NBAS: variants seen among roughly 807,000 people sequenced by gnomAD.
NBAS encodes NAG/BC035112 fusion.
Under a neutral mutation model 302.5 loss-of-function variants are expected in NBAS, and 219 were observed. That is an observed-to-expected ratio of 0.72 (90% CI 0.65 to 0.81). The LOEUF is 0.81. Ranked by LOEUF, NBAS falls within the 30% of genes least tolerant of loss-of-function variation. The pLI is 0.00. For missense variants in NBAS, 2,932 were observed against 2,841.6 expected, an observed-to-expected ratio of 1.03 and a Z score of -0.72; for synonymous variants, 1,118 against 1,021.6, an observed-to-expected ratio of 1.09 and a Z score of -1.80.
intron 25 of NBAS, among the ~76,000 whole-genome samples, chr2:15,414,134 G>C (rs1399109499): frequency 6.6e-6 from 1 of 152,126 alleles, no homozygotes; most frequent in African/African-American, 2.4e-5. Flanking sequence ...ATTACTAAGA[G>C]CAAACTGCTT....
At chr2:14,829,796 A>T in the NBAS span, among the ~76,000 whole-genome samples, 1 of 152,250 alleles carries the variant, frequency 6.6e-6, no homozygotes, top group Non-Finnish European at 1.5e-5. Context: ...GTGAGTAAAC[A>T]TCTTGACATA....
chr2:15,553,524 G>C (rs1256493622), intron 4 of NBAS, 51 bp from the exon 5 acceptor site: 1 of 1,432,394 alleles, frequency 7.0e-7, no homozygotes, highest in South Asian at 1.2e-5. Flanking sequence ...AATATCTATA[G>C]CAGTTTTCAG....
At chr2:15,262,006 T>A (rs60590656) in intron 44 of NBAS, among the ~76,000 whole-genome samples, 1 of 152,178 alleles carries the variant, frequency 6.6e-6, no homozygotes, top group Non-Finnish European at 1.5e-5. Context: ...AAGAGTTAGA[T>A]CATCCAGGGC....
chr2:15,504,491 G>C (rs747201893), intron 10 of NBAS, among the ~76,000 whole-genome samples: 4 of 151,988 alleles, frequency 2.6e-5, no homozygotes, highest in Non-Finnish European at 4.4e-5. Context: ...TCCACCGCAA[G>C]CTCTTCTCAA....
chr2:14,955,072 T>G, the NBAS span, among the ~76,000 whole-genome samples: 1 of 152,194 alleles, frequency 6.6e-6, no homozygotes, highest in Admixed American at 6.5e-5. Flanking sequence ...GTTAGTTACT[T>G]CCTAGATACA....
At chr2:15,379,207 T>TC (rs57906890) in intron 30 of NBAS, among the ~76,000 whole-genome samples, 3 of 149,934 alleles carry the variant, frequency 2.0e-5, no homozygotes, top group African/African-American at 5.0e-5. Context: ...TTTTTTTTTT[T>TC]CAAAAGACTT....
At chr2:15,047,107 G>A in the NBAS span, among the ~76,000 whole-genome samples, 1 of 152,226 alleles carries the variant, frequency 6.6e-6, no homozygotes, top group Non-Finnish European at 1.5e-5. Context: ...CTTGATTCAG[G>A]CAGTAGAGCC....
In NBAS at chr2:15,353,640, A is replaced by T; in HGVS notation, c.4002T>A (p.Arg1334=). The change falls in exon 34 of 52, where the codon CGT becomes CGA. Residue 1334 remains arginine, a synonymous_variant. Transcript: ENST00000281513. ...QSEGYQDLAT[R]QELMAFALTH... is the part of the protein sequence containing the mutation. ...TCAAAGCAAAAGCCATGAGCTCTTG[A>T]CGAGTGGCCAAGTCCTGGTAACCTT... 3 of 1,614,088 alleles carry T rather than the reference A, an allele frequency of 1.9e-6. No homozygotes were observed. The highest frequency in any genetic ancestry group is 2.5e-6 in the Non-Finnish European group (3 of 1,179,964).
intron 42 of NBAS, among the ~76,000 whole-genome samples, chr2:15,281,382 T>TG (rs1669818271): frequency 6.6e-6 from 1 of 152,242 alleles, no homozygotes; most frequent in South Asian, 2.1e-4. Flanking sequence ...AAGCACTATG[T>TG]CATCTGATTT....
At chr2:15,168,155 G>T (rs1456123959) in intron 51 of NBAS, among the ~76,000 whole-genome samples, 4 of 152,068 alleles carry the variant, frequency 2.6e-5, no homozygotes, top group Non-Finnish European at 5.9e-5. Context: ...TTACATTGGG[G>T]TATCATAAAA....
the NBAS span, among the ~76,000 whole-genome samples, chr2:14,813,579 C>T: frequency 6.6e-6 from 1 of 152,160 alleles, no homozygotes; most frequent in Admixed American, 6.5e-5. Context: ...GATCTTGCTG[C>T]TTCCAACAGT....
chr2:15,341,662 G>T (rs1249733846), intron 35 of NBAS, among the ~76,000 whole-genome samples: 1 of 152,014 alleles, frequency 6.6e-6, no homozygotes, highest in Non-Finnish European at 1.5e-5. Flanking sequence ...ATAGAAGAAA[G>T]AATAAAATTC....
At chr2:15,228,764 A>T (rs1667249391) in intron 47 of NBAS, among the ~76,000 whole-genome samples, 1 of 152,180 alleles carries the variant, frequency 6.6e-6, no homozygotes, top group South Asian at 2.1e-4. Flanking sequence ...TCATATGTGG[A>T]ATCTAAAAGA....
At chr2:14,988,298 A>T in the NBAS span, among the ~76,000 whole-genome samples, 2 of 152,220 alleles carry the variant, frequency 1.3e-5, no homozygotes, top group Non-Finnish European at 2.9e-5. Context: ...GAGAAACTAT[A>T]GCTGCTTATC....
chr2:15,461,708 G>A lies in NBAS; in HGVS notation c.2181C>T (p.Leu727=), dbSNP rs182853393. The A allele has an allele frequency of 3.8e-6, 6 of 1,597,894 alleles. No homozygotes were observed. In the African/African-American group the frequency reaches 6.7e-5, roughly 18 times the overall value. Residue 727 remains leucine, a synonymous_variant, in exon 20 of 52, where the codon CTC becomes CTT. Transcript: ENST00000281513. ...TTACCTGAGCATAAGTTCTTGCTGA[G>A]AGAACAATATTCTGATTTCTGAATT... ...FKKFRNQNIV[L]SARTYAQESN...
chr2:14,854,808 CTG>C, the NBAS span, among the ~76,000 whole-genome samples: 1 of 152,194 alleles, frequency 6.6e-6, no homozygotes, highest in Admixed American at 6.5e-5. Flanking sequence ...CTATAGCACT[CTG>C]TTTCTCCAAG....
At chr2:15,213,384 C>T (rs1010380352) in intron 48 of NBAS, among the ~76,000 whole-genome samples, 3 of 152,160 alleles carry the variant, frequency 2.0e-5, no homozygotes, top group Non-Finnish European at 2.9e-5. Flanking sequence ...TACCATGTAT[C>T]GAGACGTGAC....
chr2:15,128,841 G>C, the NBAS span, among the ~76,000 whole-genome samples: 2 of 152,256 alleles, frequency 1.3e-5, no homozygotes, highest in Admixed American at 6.5e-5. Flanking sequence ...AGGGAGCAAA[G>C]TGGGTAACTG....
chr2:15,553,575 A>G, intron 4 of NBAS, 102 bp from the exon 5 acceptor site: 1 of 1,059,126 alleles, frequency 9.4e-7, no homozygotes, highest in Non-Finnish European at 1.4e-6. Flanking sequence ...TCATTTTTAA[A>G]TTTGTTCACA....
Sources: gnomAD v4.1 joint callset for allele counts (sites outside exome capture counted in the v4.1 genomes callset) on GRCh38, gnomAD v4.1.1 for gene constraint, MANE v1.5 for transcripts, NCBI Gene and HGNC (gene_info 2026-07-23, HGNC 2026-07-21) for gene names.